SLC1A6: variants seen among roughly 807,000 people sequenced by gnomAD.
The protein encoded by SLC1A6 is excitatory amino acid transporter 4.
In SLC1A6, 15 loss-of-function variants were observed where a neutral mutation model predicts 42.1. The ratio of observed to expected loss-of-function variants is 0.36; its 90% confidence interval spans 0.24 to 0.55. SLC1A6 has a LOEUF of 0.55. Among genes scored for constraint, SLC1A6 ranks in the 20% least tolerant of loss-of-function variants. The pLI is 0.88. For missense variants in SLC1A6, 542 were observed against 772.5 expected, an observed-to-expected ratio of 0.70 and a Z score of 3.54; for synonymous variants, 317 against 319.7, an observed-to-expected ratio of 0.99 and a Z score of 0.09.
At chr19:14,960,089 T>C (rs1423138622) in intron 6 of SLC1A6, among the ~76,000 whole-genome samples, 1 of 151,290 alleles carries the variant, frequency 6.6e-6, no homozygotes, top group East Asian at 1.9e-4. Context: ...AAGATATTTC[T>C]GAAGTAATAA....
chr19:14,969,798 T>C (rs1441336313), intron 3 of SLC1A6, among the ~76,000 whole-genome samples: 2 of 152,176 alleles, frequency 1.3e-5, no homozygotes, highest in African/African-American at 4.8e-5. Context: ...GTAAATAAAG[T>C]TTTATTGGAA....
intron 1 of SLC1A6, among the ~76,000 whole-genome samples, chr19:15,008,028 C>A (rs1044820867): frequency 1.6e-5 from 2 of 128,742 alleles, no homozygotes; most frequent in African/African-American, 3.0e-5. Context: ...TCTGCCCCCC[C>A]CCCAAAAAAA....
At chr19:14,991,748 A>C (rs2045821156) in intron 1 of SLC1A6, among the ~76,000 whole-genome samples, 1 of 152,222 alleles carries the variant, frequency 6.6e-6, no homozygotes, top group South Asian at 2.1e-4. Context: ...TTTAGAAATC[A>C]AAATGAATGC....
intron 9 of SLC1A6, among the ~76,000 whole-genome samples, chr19:14,951,064 C>A (rs1449526668): frequency 8.0e-6 from 1 of 124,898 alleles, no homozygotes; most frequent in Non-Finnish European, 1.6e-5. Context: ...GAAACCCTGT[C>A]TCTACTAAAA....
chr19:14,975,863 A>G (rs2045702045), intron 1 of SLC1A6, among the ~76,000 whole-genome samples: 1 of 91,878 alleles, frequency 1.1e-5, no homozygotes, highest in Non-Finnish European at 2.2e-5. Context: ...AGGGAAGGGA[A>G]GGGAAGGAAA....
intron 1 of SLC1A6, among the ~76,000 whole-genome samples, chr19:14,994,541 C>G (rs2045835993): frequency 6.6e-6 from 1 of 152,168 alleles, no homozygotes; most frequent in Non-Finnish European, 1.5e-5. Context: ...CCATCTTTCT[C>G]CAGGGGTTAG....
At chr19:14,985,246 A>G (rs1368143320) in intron 1 of SLC1A6, among the ~76,000 whole-genome samples, 1 of 152,178 alleles carries the variant, frequency 6.6e-6, no homozygotes, top group Non-Finnish European at 1.5e-5. Flanking sequence ...TCATTTTTGC[A>G]AAAATGTCTG....
chr19:14,952,882 G>A lies in SLC1A6; in HGVS notation c.1499+46C>T, dbSNP rs765065681. The A allele has an allele frequency of 2.1e-5, 33 of 1,589,016 alleles. No individual in the cohort carries two copies. In the East Asian group the frequency reaches 7.5e-4, roughly 36 times the overall value. On this transcript the variant is annotated intron_variant, in intron 9 of 9. Coordinates refer to ENST00000594383, the MANE Select transcript of SLC1A6 (RefSeq NM_005071.3). ...CGAGGACGTTGCAGGGGAAAGCAGTGTGTGCAGAAGCAGGAGCACCAGGGT... is the reference window on the plus strand; with the variant it reads ...CGAGGACGTTGCAGGGGAAAGCAGTATGTGCAGAAGCAGGAGCACCAGGGT...
Position 14,971,762 on chromosome 19 carries a change from A to G in SLC1A6, c.318T>C (p.Pro106=), listed in dbSNP as rs977594706. ...LMRMLQMLVL[P]LIVSSLVTGM... ...CTGTGACCAGGCTGGAGACAATGAG[A>G]GGTAACACCAGCATCTGCAGCATCC... is the stretch of plus-strand genomic sequence containing the variant. Residue 106 remains proline (P), a synonymous_variant, in exon 3 of 10, where the codon CCT becomes CCC. Coordinates refer to ENST00000594383, the MANE Select transcript of SLC1A6 (RefSeq NM_005071.3). 4 of 1,614,016 alleles carry G rather than the reference A, an allele frequency of 2.5e-6. No homozygotes were observed. In the African/African-American group the frequency reaches 4.0e-5, roughly 16 times the overall value.
Position 14,968,292 on chromosome 19 carries a change from G to A in SLC1A6, c.548+11C>T, listed in dbSNP as rs11668879. 0.17 allele frequency: 278,851 copies of A among 1,598,248 alleles called. 26,372 individuals are homozygous for A. The highest frequency in any genetic ancestry group is 0.24 in the South Asian group (21,460 of 89,552). ...CAAATGTGTATATTGTGGTTTTTTA[G>A]GTTGGCACACCTGATCAGGTCCATG... On this transcript the variant is annotated intron_variant, in intron 4 of 9. Coordinates refer to ENST00000594383, the MANE Select transcript of SLC1A6 (RefSeq NM_005071.3).
intron 6 of SLC1A6, among the ~76,000 whole-genome samples, chr19:14,960,929 C>CT (rs1568286092): frequency 5.8e-3 from 152 of 26,284 alleles, no homozygotes; most frequent in African/African-American, 0.025. Flanking sequence ...GTGGTCTCTC[C>CT]CTTTTTTTTT....
intron 3 of SLC1A6, among the ~76,000 whole-genome samples, chr19:14,969,507 C>G (rs2045613234): frequency 6.6e-6 from 1 of 152,216 alleles, no homozygotes; most frequent in Non-Finnish European, 1.5e-5. Flanking sequence ...CCAGAGCTCC[C>G]CATGAGATGA....
chr19:15,005,876 G>A (rs957657349), intron 1 of SLC1A6, among the ~76,000 whole-genome samples: 10 of 152,314 alleles, frequency 6.6e-5, no homozygotes, highest in Admixed American at 3.3e-4. Context: ...CTTCCTAAGC[G>A]TCTCTCAGGT....
At chr19:15,004,056 T>G (rs1315369120) in intron 1 of SLC1A6, among the ~76,000 whole-genome samples, 3 of 152,076 alleles carry the variant, frequency 2.0e-5, no homozygotes, top group Non-Finnish European at 4.4e-5. Context: ...CTCAGCAGGC[T>G]GAGGCAGGAG....
intron 6 of SLC1A6, among the ~76,000 whole-genome samples, chr19:14,960,930 CTT>C (rs58843508): frequency 3.6e-5 from 5 of 138,664 alleles, no homozygotes; most frequent in African/African-American, 2.7e-5. Flanking sequence ...TGGTCTCTCC[CTT>C]TTTTTTTTTT....
intron 6 of SLC1A6, among the ~76,000 whole-genome samples, chr19:14,959,452 C>G (rs2045489967): frequency 6.6e-6 from 1 of 152,206 alleles, no homozygotes; most frequent in African/African-American, 2.4e-5. Flanking sequence ...GATGAACACC[C>G]TTTCTGCAGA....
At chr19:14,964,797 A>T (rs2045554990) in intron 4 of SLC1A6, among the ~76,000 whole-genome samples, 1 of 152,196 alleles carries the variant, frequency 6.6e-6, no homozygotes, top group Admixed American at 6.5e-5. Flanking sequence ...CCCATGATTA[A>T]GGTAGAACCA....
At chr19:15,000,732 C>T (rs189161504) in intron 1 of SLC1A6, among the ~76,000 whole-genome samples, 33 of 152,304 alleles carry the variant, frequency 2.2e-4, no homozygotes, top group Admixed American at 1.7e-3. Flanking sequence ...TGTTTTCACA[C>T]GGCATTGTCC....
chr19:14,988,111 C>G (rs2045801904), intron 1 of SLC1A6, among the ~76,000 whole-genome samples: 1 of 152,068 alleles, frequency 6.6e-6, no homozygotes, highest in Non-Finnish European at 1.5e-5. Flanking sequence ...AGGTGGAGAG[C>G]CTTCTGGCAT....
Sources: gnomAD v4.1 joint callset for allele counts (sites outside exome capture counted in the v4.1 genomes callset) on GRCh38, gnomAD v4.1.1 for gene constraint, MANE v1.5 for transcripts, NCBI Gene and HGNC (gene_info 2026-07-23, HGNC 2026-07-21) for gene names.